ARMH1: variants seen among roughly 807,000 people sequenced by gnomAD.
ARMH1 encodes armadillo like helical domain containing 1, also known as armadillo-like helical domain containing protein 1.
Under a neutral mutation model 50.2 loss-of-function variants are expected in ARMH1, and 34 were observed. That is an observed-to-expected ratio of 0.68 (90% confidence interval 0.51 to 0.90). ARMH1 has a LOEUF of 0.90. ARMH1 is among the 40% of genes least tolerant of loss of function. The probability of loss-of-function intolerance (pLI) is 0.00; values close to 1 mark genes in which losing one functional copy is unlikely to be tolerated. For missense variants in ARMH1, 538 were observed against 553.9 expected (o/e 0.97, Z 0.29); for synonymous variants, 221 against 224.2 (o/e 0.99, Z 0.13).
intron 2 of ARMH1, among the ~76,000 whole-genome samples, chr1:44,692,031 A>G (rs57093022): frequency 0.032 from 4,839 of 152,268 alleles, 261 homozygotes; most frequent in African/African-American, 0.11. Flanking sequence ...AGCACTCTAC[A>G]GATTTATCTC....
At chr1:44,686,849 G>A (rs1645487817) in intron 1 of ARMH1, among the ~76,000 whole-genome samples, 1 of 151,994 alleles carries the variant, frequency 6.6e-6, no homozygotes, top group Non-Finnish European at 1.5e-5. Context: ...GCTGAGGCAG[G>A]AGGACTGCTT....
chr1:44,723,190 CT>C (rs1647650190), intron 6 of ARMH1, among the ~76,000 whole-genome samples: 1 of 152,110 alleles, frequency 6.6e-6, no homozygotes, highest in East Asian at 1.9e-4. Context: ...ACATTCAATC[CT>C]TGCCGATTTT....
intron 1 of ARMH1, chr1:44,684,415 T>C (rs1190567027): frequency 6.6e-6 from 1 of 151,978 alleles, no homozygotes; most frequent in African/African-American, 2.4e-5. Context: ...GCTGAAGAAA[T>C]ATAAAAAAGC....
intron 1 of ARMH1, among the ~76,000 whole-genome samples, chr1:44,684,011 G>A (rs368609539): frequency 1.6e-4 from 24 of 152,078 alleles, no homozygotes; most frequent in African/African-American, 5.3e-4. Flanking sequence ...ACCACAGAGA[G>A]AGAGAGAGAG....
At chr1:44,675,875 G>T (rs1645122893) in intron 1 of ARMH1, among the ~76,000 whole-genome samples, 1 of 151,676 alleles carries the variant, frequency 6.6e-6, no homozygotes, top group Non-Finnish European at 1.5e-5. Flanking sequence ...CAGGAGAATG[G>T]CTTGAACCTG....
intron 1 of ARMH1, among the ~76,000 whole-genome samples, chr1:44,676,480 T>C (rs1221694452): frequency 1.3e-5 from 2 of 152,074 alleles, no homozygotes; most frequent in East Asian, 3.9e-4. Context: ...AACACCCAAG[T>C]TTGAGGGTCT....
intron 1 of ARMH1, 31 bp from the exon 2 acceptor site, chr1:44,689,645 G>A (rs1489803703): frequency 1.7e-5 from 26 of 1,486,392 alleles, no homozygotes; most frequent in Non-Finnish European, 2.0e-5. Flanking sequence ...TAAACATTCC[G>A]GTAACCTGTC....
At chr1:44,707,363 C>G (rs1646391501) in intron 6 of ARMH1, among the ~76,000 whole-genome samples, 1 of 152,148 alleles carries the variant, frequency 6.6e-6, no homozygotes, top group African/African-American at 2.4e-5. Context: ...GGGACTGGGT[C>G]TGATTCATCT....
chr1:44,698,813 CAA>C (rs201693065), intron 4 of ARMH1, among the ~76,000 whole-genome samples: 64 of 124,854 alleles, frequency 5.1e-4, no homozygotes, highest in Non-Finnish European at 4.3e-4. Context: ...AACTCCATCT[CAA>C]AAAAAAAAAA....
At chr1:44,715,224 G>T (rs72671996) in intron 6 of ARMH1, among the ~76,000 whole-genome samples, 23,931 of 152,126 alleles carry the variant, frequency 0.16, 2,359 homozygotes, top group Admixed American at 0.23. Context: ...TGGGATCAAA[G>T]AATTATAAAT....
intron 4 of ARMH1, among the ~76,000 whole-genome samples, chr1:44,699,978 T>C (rs1445002904): frequency 2.0e-5 from 3 of 151,640 alleles, no homozygotes; most frequent in Admixed American, 2.0e-4. Flanking sequence ...TACAGGCGCG[T>C]GCCACCAGAC....
chr1:44,701,923 CAAA>C (rs199970205), intron 5 of ARMH1, among the ~76,000 whole-genome samples: 4 of 132,840 alleles, frequency 3.0e-5, no homozygotes, highest in Admixed American at 7.5e-5. Flanking sequence ...AGACTCGTGT[CAAA>C]AAAAAAAAAA....
At chr1:44,705,650 G>C (rs930057363) in intron 6 of ARMH1, among the ~76,000 whole-genome samples, 1 of 152,204 alleles carries the variant, frequency 6.6e-6, no homozygotes, top group South Asian at 2.1e-4. Flanking sequence ...GAGAGATTAA[G>C]TATGCTTCCC....
intron 2 of ARMH1, among the ~76,000 whole-genome samples, chr1:44,693,928 T>C (rs1235531336): frequency 6.6e-6 from 1 of 152,182 alleles, no homozygotes; most frequent in African/African-American, 2.4e-5. Context: ...CTGTCCTCTC[T>C]TCTACCTTTT....
At position 44,724,423 on chromosome 1, in the gene ARMH1, A is replaced by T; in HGVS notation, c.920+31A>T. ...CGGGCAGGGGTTAGTGGGTAGCTGCAGCAAGCCTGGCTTGGCGCTGCCGGC... is the reference window on the plus strand; with the variant it reads ...CGGGCAGGGGTTAGTGGGTAGCTGCTGCAAGCCTGGCTTGGCGCTGCCGGC... On this transcript the variant is annotated intron_variant, in intron 8 of 11. Coordinates refer to ENST00000535358, the MANE Select transcript of ARMH1 (RefSeq NM_001145636.2). This position sits in a 1 kb window ranked among gnomAD's most constrained non-coding sequence, Gnocchi z 6.4. 2 of 1,544,710 alleles carry T rather than the reference A, an allele frequency of 1.3e-6. No individual in the cohort carries two copies. Among genetic ancestry groups the T allele is most frequent in the Admixed American group, 2.0e-5 (1 of 50,800 alleles).
intron 6 of ARMH1, chr1:44,721,640 G>C (rs144106365): frequency 6.6e-6 from 1 of 152,046 alleles, no homozygotes; most frequent in East Asian, 1.9e-4. Context: ...GAGGTGGGAG[G>C]ATTGCTTGAG....
Position 44,704,242 on chromosome 1 carries a change from T to C in ARMH1, c.724+69T>C, listed in dbSNP as rs538402208. The C allele has an allele frequency of 8.0e-4, 955 of 1,198,954 alleles. 2 individuals carry two copies. The highest frequency in any genetic ancestry group is 4.9e-4 in the South Asian group (38 of 76,770). 74.3% of individuals were successfully genotyped at this position (1,198,954 alleles called of 1,614,324 possible). On this transcript the variant is annotated intron_variant, in intron 6 of 11. Coordinates refer to ENST00000535358, the MANE Select transcript of ARMH1 (RefSeq NM_001145636.2). ...CATATCAGCTCTCAAAAGCTTTCTC[T>C]TAGTCACAAAGAGCCTTGATGTTGA...
intron 5 of ARMH1, among the ~76,000 whole-genome samples, chr1:44,703,560 TAA>T (rs1186744272): frequency 6.5e-5 from 7 of 107,010 alleles, no homozygotes; most frequent in African/African-American, 3.5e-5. Context: ...CCGTCTCTAC[TAA>T]AAAAAAAAAA....
chr1:44,682,192 T>C lies in ARMH1; in HGVS notation c.-23+7319T>C, dbSNP rs1183316429. Among the ~76,000 whole-genome samples, 2 of 152,196 alleles carry C rather than the reference T, an allele frequency of 1.3e-5. No individual in the cohort carries two copies. The highest frequency in any genetic ancestry group is 4.8e-5 in the African/African-American group (2 of 41,436). On this transcript the variant is annotated intron_variant, in intron 1 of 11. Coordinates refer to ENST00000535358, the MANE Select transcript of ARMH1 (RefSeq NM_001145636.2). The surrounding 1 kb of genome is among the most constrained non-coding windows in gnomAD (Gnocchi z 4.5). ...TGTTGGATGTCAGTTTAAATAACAC[T>C]TATTGAGTGCCTGTGTTTTACCAGA...
Sources: gnomAD v4.1 joint callset for allele counts (sites outside exome capture counted in the v4.1 genomes callset) on GRCh38, gnomAD v4.1.1 for gene constraint, Gnocchi (gnomAD v3.1) non-coding constraint, MANE v1.5 for transcripts, NCBI Gene and HGNC (gene_info 2026-07-23, HGNC 2026-07-21) for gene names.